FNDC3B: variants seen among roughly 807,000 people sequenced by gnomAD.
FNDC3B encodes fibronectin type III domain containing 3B.
In FNDC3B, 12 loss-of-function variants were observed where a neutral mutation model predicts 151.5. The observed-to-expected ratio is 0.08, with a 90% confidence interval of 0.05 to 0.13. FNDC3B has a LOEUF of 0.13. Ranked by LOEUF, FNDC3B falls within the 10% of genes least tolerant of loss-of-function variation. The pLI is 1.00. For synonymous variants in FNDC3B, 528 were observed against 549.0 expected (o/e 0.96, Z 0.54); for missense variants, 1,214 against 1,505.3 (o/e 0.81, Z 3.20).
At chr3:172,217,424 C>G (rs1250949281) in intron 3 of FNDC3B, among the ~76,000 whole-genome samples, 1 of 152,174 alleles carries the variant, frequency 6.6e-6, no homozygotes, top group Non-Finnish European at 1.5e-5. Context: ...CTTCCCCCAC[C>G]CACTCTAAGG....
intron 24 of FNDC3B, among the ~76,000 whole-genome samples, chr3:172,379,431 T>C (rs1683279556): frequency 1.3e-5 from 2 of 152,326 alleles, no homozygotes; most frequent in South Asian, 4.1e-4. Context: ...GGGCACAAAG[T>C]CAATTATAGG....
chr3:172,041,562 C>CA (rs1165167874), intron 1 of FNDC3B, among the ~76,000 whole-genome samples: 3 of 150,336 alleles, frequency 2.0e-5, no homozygotes, highest in African/African-American at 7.3e-5. Context: ...TGGTTGTGGG[C>CA]AAAGAGTCAG....
chr3:172,122,236 C>T (rs1193548448), intron 2 of FNDC3B, among the ~76,000 whole-genome samples: 3 of 152,024 alleles, frequency 2.0e-5, no homozygotes, highest in African/African-American at 7.2e-5. Context: ...GCGTAAAATT[C>T]GTAACATTAA....
intron 3 of FNDC3B, among the ~76,000 whole-genome samples, chr3:172,175,326 GTTCT>G (rs1247746218): frequency 6.6e-6 from 1 of 152,098 alleles, no homozygotes; most frequent in Non-Finnish European, 1.5e-5. Flanking sequence ...TTTCCAGCCT[GTTCT>G]TTTAAGTGCT....
chr3:172,192,161 T>TTG lies in FNDC3B; in HGVS notation c.188-34702_188-34701dup, dbSNP rs1184435180. ...CCAAATACACAGAAGACTGTTTTTT[T>TTG]TGTGTGTGTTTTTTGTTTTTTTTTT... On this transcript the variant is annotated intron_variant, in intron 3 of 25. Transcript: ENST00000415807. Among the ~76,000 whole-genome samples the TTG allele has an allele frequency of 2.6e-3, 364 of 141,116 alleles. 2 individuals carry two copies. Among genetic ancestry groups the TTG allele is most frequent in the Non-Finnish European group, 4.0e-3 (263 of 66,250 alleles). 92.6% of individuals were successfully genotyped at this position (141,116 alleles called of 152,430 possible).
At chr3:172,376,716 G>A in intron 23 of FNDC3B, among the ~76,000 whole-genome samples, 1 of 152,020 alleles carries the variant, frequency 6.6e-6, no homozygotes, top group Non-Finnish European at 1.5e-5. Context: ...TTAATAAAAG[G>A]CACTTCCTTA....
At chr3:172,372,507 C>A (rs1169508901) in intron 23 of FNDC3B, among the ~76,000 whole-genome samples, 1 of 152,218 alleles carries the variant, frequency 6.6e-6, no homozygotes, top group Non-Finnish European at 1.5e-5. Context: ...CAAGCGTGCT[C>A]ATGTCATGAA....
chr3:172,310,355 A>G (rs185649522), intron 10 of FNDC3B, among the ~76,000 whole-genome samples: 4 of 152,240 alleles, frequency 2.6e-5, no homozygotes, highest in Admixed American at 2.0e-4. Flanking sequence ...AGGAACCTTA[A>G]TGTCGCTGAT....
intron 2 of FNDC3B, among the ~76,000 whole-genome samples, chr3:172,130,488 G>A (rs1366967373): frequency 6.6e-6 from 1 of 152,074 alleles, no homozygotes; most frequent in African/African-American, 2.4e-5. Context: ...TCTCCCTGAA[G>A]AAGTGGGATG....
At chr3:172,337,550 GT>G (rs1733048916) in intron 16 of FNDC3B, 149 bp downstream of exon 16, 15 of 578,760 alleles carry the variant, frequency 2.6e-5, no homozygotes, top group Non-Finnish European at 4.6e-5. Context: ...CATATTGGCA[GT>G]TTTTCTATTT....
At chr3:172,190,771 C>T (rs1352971968) in intron 3 of FNDC3B, among the ~76,000 whole-genome samples, 8 of 152,082 alleles carry the variant, frequency 5.3e-5, no homozygotes, top group South Asian at 2.1e-4. Context: ...TGGGTTCAAG[C>T]GATTCTCCTG....
At chr3:172,328,880 C>T in intron 11 of FNDC3B, 72 bp from the exon 12 acceptor site, 1 of 1,219,224 alleles carries the variant, frequency 8.2e-7, no homozygotes, top group Non-Finnish European at 1.1e-6. Context: ...CAAGATGCTC[C>T]TTCATTTATT....
intron 6 of FNDC3B, among the ~76,000 whole-genome samples, chr3:172,270,786 T>C (rs775245765): frequency 6.6e-6 from 1 of 152,258 alleles, no homozygotes; most frequent in Admixed American, 6.5e-5. Flanking sequence ...CTTTTATAGA[T>C]AATACGAATT....
At chr3:172,196,627 C>A (rs1057503346) in intron 3 of FNDC3B, among the ~76,000 whole-genome samples, 1 of 152,084 alleles carries the variant, frequency 6.6e-6, no homozygotes, top group Non-Finnish European at 1.5e-5. Flanking sequence ...AGGTCACATT[C>A]TGTGATCTGA....
rs1560028702 is a variant in FNDC3B at position 172,229,115 on chromosome 3, AC to A, written c.264+2169del. ...CACACACACACACACACACACACAC[AC>A]ACACACACACACACACACACAATCT... On this transcript the variant is annotated intron_variant, in intron 4 of 25. Coordinates refer to ENST00000415807, the MANE Select transcript of FNDC3B (RefSeq NM_022763.4). Among the ~76,000 whole-genome samples, 18 of 151,310 alleles carry A rather than the reference AC, an allele frequency of 1.2e-4. No individual in the cohort carries two copies. The East Asian group carries it at 1.7e-3, about 15-fold the overall frequency.
intron 4 of FNDC3B, among the ~76,000 whole-genome samples, chr3:172,242,870 CAA>C (rs1318983714): frequency 1.3e-5 from 2 of 152,160 alleles, no homozygotes; most frequent in East Asian, 1.9e-4. Flanking sequence ...GCAAATTTTC[CAA>C]AGTTTTATGC....
chr3:172,222,546 A>G (rs2108733693), intron 3 of FNDC3B, among the ~76,000 whole-genome samples: 1 of 152,184 alleles, frequency 6.6e-6, no homozygotes, highest in South Asian at 2.1e-4. Flanking sequence ...CAATTTTTCC[A>G]CGGATTGGGG....
Position 172,341,114 on chromosome 3 carries a change from G to A in FNDC3B, c.1854G>A (p.Ala618=), listed in dbSNP as rs751078779. ...TCATGCATAAGTCTTGTTTTACAGC[G>A]AATCAGTGGGAAGTGGCCTACAGTG... ...LLEITDGNSE[A]NQWEVAYSGS... Residue 618 remains alanine, a splice_region_variant and synonymous_variant, in exon 17 of 26, where the codon GCG becomes GCA. Coordinates refer to ENST00000415807, the MANE Select transcript of FNDC3B (RefSeq NM_022763.4). 1.1e-5 allele frequency: 17 copies of A among 1,608,302 alleles called. No homozygotes were observed. The highest frequency in any genetic ancestry group is 1.6e-4 in the Middle Eastern group (1 of 6,070).
chr3:172,134,943 A>G (rs894778058), intron 3 of FNDC3B, among the ~76,000 whole-genome samples: 1 of 151,984 alleles, frequency 6.6e-6, no homozygotes, highest in Non-Finnish European at 1.5e-5. Context: ...TAATAAACAG[A>G]TACCGTGAAC....
Sources: gnomAD v4.1 joint callset for allele counts (sites outside exome capture counted in the v4.1 genomes callset) on GRCh38, gnomAD v4.1.1 for gene constraint, MANE v1.5 for transcripts, NCBI Gene and HGNC (gene_info 2026-07-23, HGNC 2026-07-21) for gene names.